The following SLC13A5 variants were observed in gnomAD, a reference collection of about 807,000 sequenced individuals.
SLC13A5 encodes the protein Na(+)/citrate cotransporter.
A neutral mutation model predicts 56.5 loss-of-function variants in SLC13A5; 25 were observed. The observed-to-expected ratio is 0.44, with a 90% confidence interval of 0.32 to 0.62. The LOEUF (loss-of-function observed/expected upper bound fraction) is 0.62, where lower values mean the gene tolerates loss of function less well. Among genes scored for constraint, SLC13A5 ranks in the 20% least tolerant of loss-of-function variants. The probability of loss-of-function intolerance (pLI) is 0.04; values close to 1 mark genes in which losing one functional copy is unlikely to be tolerated. For synonymous variants in SLC13A5, 307 were observed against 301.5 expected (o/e 1.02, Z -0.19); for missense variants, 649 against 737.8 (o/e 0.88, Z 1.39).
rs1973194595 is a variant in SLC13A5, at chr17:6,684,787, A to G, written c.*1420T>C. 1 of 152,216 alleles carries G rather than the reference A, an allele frequency of 6.6e-6. No homozygotes were observed. Among genetic ancestry groups the G allele is most frequent in the South Asian group, 2.1e-4 (1 of 4,830 alleles). 9.4% of individuals were successfully genotyped at this position (152,216 alleles called of 1,614,324 possible). ...AGTGTGGTCAGGAATCGTCCCACCC[A>G]AGGAACCAGACACATACTCGGTCCT... On this transcript the variant is annotated 3_prime_UTR_variant, in exon 12 of 12. Coordinates refer to ENST00000433363, the MANE Select transcript of SLC13A5 (RefSeq NM_177550.5).
At chr17:6,706,879 T>C in intron 2 of SLC13A5, 101 bp from the exon 3 acceptor site, 3 of 1,568,482 alleles carry the variant, frequency 1.9e-6, no homozygotes, top group East Asian at 2.3e-5. Flanking sequence ...GGAGTGGGGA[T>C]GCAGGCTCGA....
chr17:6,687,688 A>T lies in SLC13A5; in HGVS notation c.1438-22T>A. 1.9e-6 allele frequency: 3 copies of T among 1,580,258 alleles called. No homozygotes were observed. Among genetic ancestry groups the T allele is most frequent in the African/African-American group, 1.4e-5 (1 of 73,514 alleles). On this transcript the variant is annotated intron_variant, in intron 10 of 11. Transcript: ENST00000433363. This position sits in a 1 kb window ranked among gnomAD's most constrained non-coding sequence, Gnocchi z 5.0. ...GAGACTGCGGAAAAACAGCACTGCA[A>T]CATCACCGTACAGAACACAGAAGCT...
chr17:6,700,143 T>G (rs978332171), intron 6 of SLC13A5, among the ~76,000 whole-genome samples: 1 of 152,142 alleles, frequency 6.6e-6, no homozygotes, highest in Admixed American at 6.5e-5. Flanking sequence ...TCTATCCTGG[T>G]GTGGCCTGAT....
chr17:6,692,919 G>T lies in SLC13A5; in HGVS notation c.1275+125C>A. 6.7e-6 allele frequency: 5 copies of T among 748,742 alleles called. No individual in the cohort carries two copies. In the South Asian group the frequency reaches 7.4e-5, roughly 11 times the overall value. 46.4% of individuals were successfully genotyped at this position (748,742 alleles called of 1,614,324 possible). A position where few individuals can be genotyped will look rare whatever the true frequency, so the allele number is the denominator to read the frequency against. ...GACAAGACAGAGTCCATGTCCTCAA[G>T]GAATGTGCGGTTATACGAAGGATGC... On this transcript the variant is annotated intron_variant, in intron 9 of 11. Coordinates refer to ENST00000433363, the MANE Select transcript of SLC13A5 (RefSeq NM_177550.5). This position sits in a 1 kb window ranked among gnomAD's most constrained non-coding sequence, Gnocchi z 5.5.
chr17:6,709,871 G>C (rs1405092990), intron 1 of SLC13A5, among the ~76,000 whole-genome samples: 1 of 152,184 alleles, frequency 6.6e-6, no homozygotes, highest in East Asian at 1.9e-4. Flanking sequence ...ATGCTTTGTT[G>C]TGGGAGCTGT....
chr17:6,706,771 A>G lies in SLC13A5; in HGVS notation c.239T>C (p.Val80Ala), dbSNP rs930818882. The change falls in exon 3 of 12, where the codon GTC (valine) becomes GCC (alanine). Residue 80 changes from valine (V) to alanine (A), a missense_variant. Transcript: ENST00000433363. The part of the protein sequence containing the change: ...FQILDSRQVC[V>A]QYMKDTNMLF... ...CATGTTGGTGTCCTTCATGTACTGG[A>G]CACACACCTGGAGCGTGGCACGAAG... The G allele has an allele frequency of 1.2e-6, 2 of 1,614,008 alleles. No homozygotes were observed. The highest frequency in any genetic ancestry group is 8.5e-7 in the Non-Finnish European group (1 of 1,179,990).
chr17:6,705,626 G>A (rs911793347), intron 3 of SLC13A5: 13 of 152,218 alleles, frequency 8.5e-5, no homozygotes, highest in African/African-American at 3.1e-4. Flanking sequence ...CCCTGCTCAG[G>A]GGAATCTGAG....
intron 2 of SLC13A5, 61 bp downstream of exon 2, chr17:6,706,967 G>A: frequency 6.2e-7 from 1 of 1,605,700 alleles, no homozygotes; most frequent in Non-Finnish European, 8.5e-7. Flanking sequence ...TCACAGTGGG[G>A]ACTAGAGAAA....
At chr17:6,703,742 A>T (rs1160991168) in intron 4 of SLC13A5, 136 bp downstream of exon 4, 4 of 841,676 alleles carry the variant, frequency 4.8e-6, no homozygotes, top group Non-Finnish European at 6.9e-6. Context: ...AGTATTTTCT[A>T]TTTTTTTTTC....
chr17:6,698,118 C>T (rs2151489390), intron 6 of SLC13A5, among the ~76,000 whole-genome samples: 1 of 152,354 alleles, frequency 6.6e-6, no homozygotes, highest in East Asian at 1.9e-4. Context: ...TGTCCTCTAC[C>T]TTCCAGATCT....
chr17:6,712,217 C>T (rs372181850), intron 1 of SLC13A5, among the ~76,000 whole-genome samples: 1 of 152,204 alleles, frequency 6.6e-6, no homozygotes, highest in Non-Finnish European at 1.5e-5. Flanking sequence ...AGAGCTCCCC[C>T]CCAGAGCATC....
intron 7 of SLC13A5, 59 bp downstream of exon 7, chr17:6,695,667 A>G: frequency 6.4e-7 from 1 of 1,571,126 alleles, no homozygotes; most frequent in Non-Finnish European, 8.7e-7. Flanking sequence ...CTGGGATTAC[A>G]TGTGTGAGCC....
intron 6 of SLC13A5, among the ~76,000 whole-genome samples, chr17:6,698,477 C>T (rs184785940): frequency 6.6e-6 from 1 of 152,212 alleles, no homozygotes; most frequent in Non-Finnish European, 1.5e-5. Context: ...GGTTCTAGGG[C>T]AGCCCCGGCC....
At chr17:6,695,979 T>C (rs1480666612) in intron 6 of SLC13A5, 38 bp from the exon 7 acceptor site, 3 of 1,596,486 alleles carry the variant, frequency 1.9e-6, no homozygotes, top group Non-Finnish European at 2.6e-6. Flanking sequence ...CAGGGCAGAC[T>C]GGTTGGCTCA....
Position 6,687,040 on chromosome 17 carries a change from T to G in SLC13A5, c.1575+489A>C, listed in dbSNP as rs141328911. The stretch of plus-strand genomic sequence containing the variant: ...GACAGAGCTAATGAAGAGTTCTTCC[T>G]CTGACTACATTTGTTTCCAAGGCAT... On this transcript the variant is annotated intron_variant, in intron 11 of 11. Transcript: ENST00000433363. The surrounding 1 kb of genome is among the most constrained non-coding windows in gnomAD (Gnocchi z 5.0). 9.9e-3 allele frequency: 1,677 copies of G among 168,796 alleles called. 112 individuals carry two copies. The Admixed American group carries it at 0.1, about 10-fold the overall frequency. 10.5% of individuals were successfully genotyped at this position (168,796 alleles called of 1,614,324 possible).
intron 6 of SLC13A5, among the ~76,000 whole-genome samples, chr17:6,698,419 C>T (rs972118486): frequency 2.0e-4 from 30 of 152,358 alleles, no homozygotes; most frequent in African/African-American, 6.7e-4. Context: ...GGTGCCCTTG[C>T]GGCCTCGGCG....
intron 6 of SLC13A5, among the ~76,000 whole-genome samples, chr17:6,696,149 G>C (rs898949059): frequency 6.6e-6 from 1 of 152,216 alleles, no homozygotes; most frequent in Non-Finnish European, 1.5e-5. Context: ...AGTCTCTGTA[G>C]AGAGGCTAGA....
At chr17:6,691,001 A>T (rs1973394281) in intron 9 of SLC13A5, 61 bp from the exon 10 acceptor site, 29 of 1,547,306 alleles carry the variant, frequency 1.9e-5, no homozygotes, top group Middle Eastern at 4.5e-4. Context: ...CTTCAGGGCC[A>T]GGGCAAGCTT....
rs1187250417 is a variant in SLC13A5, at chr17:6,695,775, C to T, written c.1006G>A (p.Gly336Ser). 1.1e-5 allele frequency: 17 copies of T among 1,614,056 alleles called. No homozygotes were observed. Among genetic ancestry groups the T allele is most frequent in the Admixed American group, 1.0e-4 (6 of 60,002 alleles). The change falls in exon 7 of 12, where the codon GGC becomes AGC. Residue 336 changes from glycine to serine, a missense_variant. Transcript: ENST00000433363. ...LVILWFSRDP[G>S]FMPGWLTVAW... is the part of the protein sequence containing the mutation. ...ACAGTCAGCCAGCCGGGCATGAAGCCGGGGTCTCGGGAGAACCACAGGATG... is the reference window on the plus strand; with the variant it reads ...ACAGTCAGCCAGCCGGGCATGAAGCTGGGGTCTCGGGAGAACCACAGGATG...
Sources: allele counts gnomAD v4.1 joint callset (sites outside exome capture counted in the v4.1 genomes callset), GRCh38; gene constraint gnomAD v4.1.1; non-coding constraint Gnocchi (gnomAD v3.1); transcripts MANE v1.5; gene names NCBI Gene and HGNC (gene_info 2026-07-23, HGNC 2026-07-21).